ZNF892: variants seen among roughly 807,000 people sequenced by gnomAD.
The protein encoded by ZNF892 is zinc finger protein 570-like.
chr2:95,231,446 A>G, the ZNF892 span, among the ~76,000 whole-genome samples: 5 of 152,222 alleles, frequency 3.3e-5, no homozygotes, highest in Non-Finnish European at 5.9e-5. Flanking sequence ...GACATTCCTT[A>G]TCCTGATTGG....
At chr2:95,227,915 A>G in the ZNF892 span, among the ~76,000 whole-genome samples, 1 of 152,172 alleles carries the variant, frequency 6.6e-6, no homozygotes, top group African/African-American at 2.4e-5. Flanking sequence ...ACATTCTCCA[A>G]CATAATCGCA....
At chr2:95,238,877 G>A in the ZNF892 span, among the ~76,000 whole-genome samples, 2 of 152,016 alleles carry the variant, frequency 1.3e-5, no homozygotes, top group Non-Finnish European at 2.9e-5. Context: ...GGTGGCTCAC[G>A]CCTGTAATCC....
the ZNF892 span, among the ~76,000 whole-genome samples, chr2:95,233,185 C>T: frequency 2.0e-5 from 3 of 151,598 alleles, no homozygotes; most frequent in Non-Finnish European, 4.4e-5. Context: ...ACCAGACTTA[C>T]ATTTTATTTT....
the ZNF892 span, among the ~76,000 whole-genome samples, chr2:95,261,638 C>T: frequency 1.3e-5 from 2 of 152,186 alleles, no homozygotes; most frequent in African/African-American, 4.8e-5. Flanking sequence ...AGGACAGGGA[C>T]TGGCTCCCAG....
the ZNF892 span, chr2:95,215,211 G>A: frequency 7.7e-5 from 35 of 455,412 alleles, no homozygotes; most frequent in African/African-American, 6.2e-4. Context: ...TGAGTGTAAC[G>A]AATGTGGGAA....
chr2:95,228,901 A>G, the ZNF892 span, among the ~76,000 whole-genome samples: 1 of 152,192 alleles, frequency 6.6e-6, no homozygotes, highest in African/African-American at 2.4e-5. Flanking sequence ...TCACTGAGAT[A>G]GATTCATATC....
the ZNF892 span, among the ~76,000 whole-genome samples, chr2:95,258,786 T>C: frequency 2.0e-5 from 3 of 152,124 alleles, no homozygotes; most frequent in African/African-American, 7.2e-5. Flanking sequence ...TAGGGTCCCA[T>C]CCTCATCACC....
the ZNF892 span, among the ~76,000 whole-genome samples, chr2:95,250,718 T>C: frequency 1.7e-4 from 25 of 143,372 alleles, no homozygotes; most frequent in South Asian, 8.7e-4. Context: ...TATAAAATAT[T>C]CATAAATTAT....
At chr2:95,212,033 T>G in the ZNF892 span, among the ~76,000 whole-genome samples, 3 of 152,152 alleles carry the variant, frequency 2.0e-5, no homozygotes, top group African/African-American at 4.8e-5. Context: ...GTAAAATTGA[T>G]AAGGGACTCA....
the ZNF892 span, among the ~76,000 whole-genome samples, chr2:95,227,846 A>T: frequency 2.6e-5 from 4 of 151,912 alleles, no homozygotes; most frequent in African/African-American, 2.4e-5. Context: ...TCAAACTCCT[A>T]GGCTCAAGCC....
At chr2:95,214,388 T>C in the ZNF892 span, 1 of 398,588 alleles carries the variant, frequency 2.5e-6, no homozygotes, top group South Asian at 1.3e-4. Context: ...AGGATATTTC[T>C]GAAGAAGAAT....
At chr2:95,239,144 GA>G in the ZNF892 span, among the ~76,000 whole-genome samples, 4,477 of 126,028 alleles carry the variant, frequency 0.036, 95 homozygotes, top group Non-Finnish European at 0.053. Context: ...CGTCTCAAAG[GA>G]AAAAAAAAAA....
chr2:95,256,725 T>C, the ZNF892 span, among the ~76,000 whole-genome samples: 2 of 152,218 alleles, frequency 1.3e-5, no homozygotes, highest in Non-Finnish European at 2.9e-5. Context: ...GACATAGATT[T>C]GGTCTTTTCA....
the ZNF892 span, among the ~76,000 whole-genome samples, chr2:95,250,109 G>A: frequency 6.6e-6 from 1 of 152,176 alleles, no homozygotes; most frequent in South Asian, 2.1e-4. Context: ...AATCATGGAA[G>A]TAAGAATATA....
At chr2:95,235,407 G>T in the ZNF892 span, among the ~76,000 whole-genome samples, 1 of 148,604 alleles carries the variant, frequency 6.7e-6, no homozygotes, top group Non-Finnish European at 1.5e-5. Context: ...CTGTCGCCCA[G>T]GCTGGGTGCA....
chr2:95,227,950 C>G, the ZNF892 span, among the ~76,000 whole-genome samples: 1 of 152,210 alleles, frequency 6.6e-6, no homozygotes, highest in South Asian at 2.1e-4. Flanking sequence ...CCCAAACAAT[C>G]TAACTCTGAT....
the ZNF892 span, among the ~76,000 whole-genome samples, chr2:95,223,045 A>G: frequency 6.6e-6 from 1 of 152,228 alleles, no homozygotes; most frequent in East Asian, 1.9e-4. Context: ...CAATTGATTG[A>G]TCATAGTTAA....
chr2:95,222,254 AT>A, the ZNF892 span, among the ~76,000 whole-genome samples: 156 of 152,320 alleles, frequency 1.0e-3, 3 homozygotes, highest in African/African-American at 3.2e-3. Context: ...ACTGAAGCAC[AT>A]TTAGGTTGTT....
At chr2:95,219,674 G>A in the ZNF892 span, among the ~76,000 whole-genome samples, 1 of 152,202 alleles carries the variant, frequency 6.6e-6, no homozygotes, top group Non-Finnish European at 1.5e-5. Context: ...TTTGGTATGA[G>A]ATTTGGTATC....
Sources: allele counts gnomAD v4.1 joint callset (sites outside exome capture counted in the v4.1 genomes callset), GRCh38; gene constraint gnomAD v4.1.1; transcripts MANE v1.5; gene names NCBI Gene and HGNC (gene_info 2026-07-23, HGNC 2026-07-21).